The following ELAVL1 variants were observed in gnomAD, a reference collection of about 807,000 sequenced individuals.
The protein encoded by ELAVL1 is ELAV like RNA binding protein 1.
Under a neutral mutation model 28.4 loss-of-function variants are expected in ELAVL1, and 1 was observed. The ratio of observed to expected loss-of-function variants is 0.04; its 90% CI spans 0.01 to 0.17. ELAVL1 has a LOEUF of 0.17. ELAVL1 is among the 10% of genes least tolerant of loss of function. ELAVL1 has a pLI of 1.00. For synonymous variants in ELAVL1, 174 were observed against 183.5 expected, an observed-to-expected ratio of 0.95 and a Z score of 0.42; for missense variants, 157 against 447.2, an observed-to-expected ratio of 0.35 and a Z score of 5.85.
At chr19:7,973,922 C>G (rs1342284508) in intron 3 of ELAVL1, 44 bp from the exon 4 acceptor site, 5 of 1,605,960 alleles carry the variant, frequency 3.1e-6, no homozygotes, top group Middle Eastern at 1.7e-4. Context: ...AGGCACGTGG[C>G]CAAAGCATTG....
chr19:7,983,812 A>G (rs1210670648), intron 2 of ELAVL1, among the ~76,000 whole-genome samples: 1 of 151,852 alleles, frequency 6.6e-6, no homozygotes, highest in Admixed American at 6.6e-5. Context: ...CTGCTTCCTC[A>G]TCTCCCAGGT....
chr19:7,981,065 G>C lies in ELAVL1; in HGVS notation c.276+18C>G, dbSNP rs779735373. The C allele has an allele frequency of 2.0e-5, 33 of 1,612,186 alleles. No homozygotes were observed. Among genetic ancestry groups the C allele is most frequent in the South Asian group, 7.7e-5 (7 of 91,032 alleles). Reference sequence around the variant, plus strand: ...GCCCAGGGCAGGAATGGATGCGGTGGTGATCAGATCCCTTTACCTTAATGG... The same window carrying C: ...GCCCAGGGCAGGAATGGATGCGGTGCTGATCAGATCCCTTTACCTTAATGG... On this transcript the variant is annotated intron_variant, in intron 3 of 5. Transcript: ENST00000407627. The surrounding 1 kb of genome is among the most constrained non-coding windows in gnomAD (Gnocchi z 4.2).
chr19:7,992,586 C>T (rs942708658), intron 1 of ELAVL1, among the ~76,000 whole-genome samples: 7 of 151,954 alleles, frequency 4.6e-5, no homozygotes, highest in Non-Finnish European at 8.8e-5. Context: ...TGCAGGTCGG[C>T]GTGGGGGGGA....
Position 7,963,001 on chromosome 19 carries a change from G to GA in ELAVL1, c.*481dup, listed in dbSNP as rs1265502422. 2.6e-4 allele frequency: 40 copies of GA among 156,572 alleles called. No homozygotes were observed. Among genetic ancestry groups the GA allele is most frequent in the African/African-American group, 9.6e-4 (40 of 41,484 alleles). The allele number at this position is 156,572 out of a possible 1,614,324, so 9.7% of individuals were successfully genotyped here. Reference sequence around the variant, plus strand: ...TGGCAACGGGACCTGCCTGGAAAAGGAACTTCCTGTCAACCAAAGCATACA... The same window carrying GA: ...TGGCAACGGGACCTGCCTGGAAAAGGAAACTTCCTGTCAACCAAAGCATACA... On this transcript the variant is annotated 3_prime_UTR_variant, in exon 6 of 6. Transcript: ENST00000407627. The surrounding 1 kb of genome is among the most constrained non-coding windows in gnomAD (Gnocchi z 4.5).
intron 1 of ELAVL1, chr19:8,002,032 A>G (rs1568318518): frequency 3.1e-5 from 40 of 1,289,220 alleles, no homozygotes; most frequent in Non-Finnish European, 4.0e-5. Flanking sequence ...AAAACTGCTC[A>G]GTAGCCACCC....
intron 1 of ELAVL1, among the ~76,000 whole-genome samples, chr19:7,993,628 C>A (rs1405423673): frequency 6.6e-6 from 1 of 152,110 alleles, no homozygotes; most frequent in African/African-American, 2.4e-5. Flanking sequence ...GCTGAAAGTG[C>A]GCCGCACACT....
chr19:7,970,142 T>G (rs1216003618), intron 4 of ELAVL1, among the ~76,000 whole-genome samples: 3 of 151,782 alleles, frequency 2.0e-5, no homozygotes, highest in African/African-American at 7.3e-5. Flanking sequence ...CTGGCTAATT[T>G]TTATTTTATT....
At chr19:7,994,738 G>A (rs1214339746) in intron 1 of ELAVL1, among the ~76,000 whole-genome samples, 2 of 152,208 alleles carry the variant, frequency 1.3e-5, no homozygotes, top group Non-Finnish European at 2.9e-5. Flanking sequence ...AATCACGCAA[G>A]TGCAGGAGTT....
At chr19:8,001,983 G>C in intron 1 of ELAVL1, 1 of 1,229,644 alleles carries the variant, frequency 8.1e-7, no homozygotes, top group African/African-American at 1.5e-5. Flanking sequence ...GTTTCTCCTT[G>C]TCTCCCCCCA....
chr19:8,004,564 C>T (rs1568319434), intron 1 of ELAVL1, among the ~76,000 whole-genome samples: 1 of 152,288 alleles, frequency 6.6e-6, no homozygotes, highest in East Asian at 1.9e-4. Context: ...CACAGGGAAG[C>T]CCCCACTACC....
At chr19:7,978,464 A>G (rs895525990) in intron 3 of ELAVL1, among the ~76,000 whole-genome samples, 2 of 152,298 alleles carry the variant, frequency 1.3e-5, no homozygotes, top group South Asian at 4.1e-4. Context: ...TGAGCCCAGT[A>G]AACACGGCAG....
intron 4 of ELAVL1, among the ~76,000 whole-genome samples, chr19:7,968,294 C>G (rs1985010200): frequency 6.6e-6 from 1 of 152,188 alleles, no homozygotes; most frequent in Non-Finnish European, 1.5e-5. Flanking sequence ...CGTGGCCGAG[C>G]CTGCTGCAAA....
chr19:7,992,816 A>G (rs1252590870), intron 1 of ELAVL1, among the ~76,000 whole-genome samples: 32 of 152,170 alleles, frequency 2.1e-4, no homozygotes, highest in Non-Finnish European at 2.9e-5. Flanking sequence ...TGAGATGCTA[A>G]TAATGGGTGT....
At chr19:7,974,029 C>A in intron 3 of ELAVL1, 151 bp from the exon 4 acceptor site, 1 of 1,058,482 alleles carries the variant, frequency 9.4e-7, no homozygotes, top group Non-Finnish European at 1.3e-6. Context: ...CGCCTGCAGC[C>A]GCATGGTGGC....
At chr19:8,002,267 G>T in intron 1 of ELAVL1, 1 of 500,470 alleles carries the variant, frequency 2.0e-6, no homozygotes, top group Non-Finnish European at 3.5e-6. Flanking sequence ...CACCGCTACT[G>T]CCTCCTCTCC....
At chr19:7,999,300 G>A (rs2145229468) in intron 1 of ELAVL1, among the ~76,000 whole-genome samples, 1 of 152,338 alleles carries the variant, frequency 6.6e-6, no homozygotes, top group African/African-American at 2.4e-5. Context: ...TTGAACGCGG[G>A]AGGCAGAGGT....
intron 3 of ELAVL1, among the ~76,000 whole-genome samples, chr19:7,976,665 T>G (rs1432644425): frequency 6.6e-6 from 1 of 152,052 alleles, no homozygotes; most frequent in Non-Finnish European, 1.5e-5. Context: ...CCTCCAGAAC[T>G]GTGAGTTGAT....
chr19:7,998,936 C>A (rs911459909), intron 1 of ELAVL1, among the ~76,000 whole-genome samples: 1 of 152,064 alleles, frequency 6.6e-6, no homozygotes, highest in East Asian at 1.9e-4. Flanking sequence ...TGCCACCATA[C>A]CTGGCTGATT....
At chr19:8,003,460 A>T (rs1477813343) in intron 1 of ELAVL1, among the ~76,000 whole-genome samples, 3 of 150,846 alleles carry the variant, frequency 2.0e-5, no homozygotes, top group Non-Finnish European at 4.4e-5. Context: ...TGGGAGGCCG[A>T]GGCGGGCGGA....
Sources: allele counts gnomAD v4.1 joint callset (sites outside exome capture counted in the v4.1 genomes callset), GRCh38; gene constraint gnomAD v4.1.1; non-coding constraint Gnocchi (gnomAD v3.1); transcripts MANE v1.5; gene names NCBI Gene and HGNC (gene_info 2026-07-23, HGNC 2026-07-21).